Variants in AARS1 observed in about 807,000 individuals in gnomAD.
AARS1 encodes the protein alanine--tRNA ligase, cytoplasmic.
A neutral mutation model predicts 108.9 loss-of-function variants in AARS1; 72 were observed. The observed-to-expected ratio is 0.66, with a 90% CI of 0.55 to 0.80. The LOEUF (loss-of-function observed/expected upper bound fraction) is 0.80. Ranked by LOEUF, AARS1 falls within the 30% of genes least tolerant of loss-of-function variation. AARS1 has a pLI of 0.00. For missense variants in AARS1, 1,193 were observed against 1,233.2 expected, an observed-to-expected ratio of 0.97 and a Z score of 0.49; for synonymous variants, 489 against 465.7, an observed-to-expected ratio of 1.05 and a Z score of -0.64.
rs1959866862 is a variant in AARS1, at chr16:70,252,572, C to G, written c.*149G>C. 1 of 853,774 alleles carries G rather than the reference C, an allele frequency of 1.2e-6. No homozygotes were observed. The highest frequency in any genetic ancestry group is 1.7e-5 in the African/African-American group (1 of 59,784). 52.9% of individuals were successfully genotyped at this position (853,774 alleles called of 1,614,324 possible). On this transcript the variant is annotated 3_prime_UTR_variant, in exon 21 of 21. Coordinates refer to ENST00000261772, the MANE Select transcript of AARS1 (RefSeq NM_001605.3). ...GCTCAGGGCAGAAATTTAAGGGGCACTGAGACATAGGACTGCTCCCAAGTG... is the reference window on the plus strand; with the variant it reads ...GCTCAGGGCAGAAATTTAAGGGGCAGTGAGACATAGGACTGCTCCCAAGTG...
At chr16:70,267,560 C>G in intron 9 of AARS1, 99 bp downstream of exon 9, 2 of 1,455,096 alleles carry the variant, frequency 1.4e-6, no homozygotes, top group Non-Finnish European at 1.9e-6. Context: ...TGTTCAGCCT[C>G]AGAGACATGA....
chr16:70,254,251 C>A, intron 17 of AARS1: 1 of 660,684 alleles, frequency 1.5e-6, no homozygotes, highest in Non-Finnish European at 2.6e-6. Flanking sequence ...GCTCCCAAAT[C>A]AGGCCCGGTC....
rs778642824 is a variant in AARS1 at position 70,254,459 on chromosome 16, G to A, written c.2400+162C>T. 5 of 669,730 alleles carry A rather than the reference G, an allele frequency of 7.5e-6. No individual in the cohort carries two copies. In the East Asian group the frequency reaches 1.1e-4, roughly 15 times the overall value. 41.5% of individuals were successfully genotyped at this position (669,730 alleles called of 1,614,324 possible). On this transcript the variant is annotated intron_variant, in intron 17 of 20. Transcript: ENST00000261772. ...GGGAATGTCCAGGGTCCAAGGACAG[G>A]ATCCATGGGGTCCCTGCTACAAGGC...
intron 1 of AARS1, among the ~76,000 whole-genome samples, chr16:70,286,422 G>A (rs987782329): frequency 6.7e-6 from 1 of 149,332 alleles, no homozygotes; most frequent in African/African-American, 2.5e-5. Context: ...CCAGGCTGGA[G>A]CGCAGGCAAT....
intron 9 of AARS1, among the ~76,000 whole-genome samples, chr16:70,266,459 G>A (rs924294418): frequency 1.3e-5 from 2 of 151,748 alleles, no homozygotes; most frequent in African/African-American, 4.8e-5. Context: ...TCACACCACT[G>A]CACTCCAGCC....
intron 1 of AARS1, among the ~76,000 whole-genome samples, chr16:70,285,428 C>T (rs996280416): frequency 1.3e-5 from 2 of 151,770 alleles, no homozygotes; most frequent in Admixed American, 1.3e-4. Context: ...TACAGTTGCA[C>T]ACCAGCATGC....
Position 70,258,951 on chromosome 16 carries a change from G to A in AARS1, c.1992+29C>T, listed in dbSNP as rs373852619. ...GGACAGACAGTGACGGTGTGGGGAG[G>A]GGGGGCATTCAGCCGTCGCCCATCC... On this transcript the variant is annotated intron_variant, in intron 14 of 20. Transcript: ENST00000261772. The A allele has an allele frequency of 4.6e-4, 736 of 1,602,622 alleles. 1 individual carries two copies. The highest frequency in any genetic ancestry group is 6.0e-4 in the Non-Finnish European group (705 of 1,170,052).
chr16:70,258,952 G>A (rs1293139782), intron 14 of AARS1, 28 bp downstream of exon 14: 3 of 1,602,174 alleles, frequency 1.9e-6, no homozygotes, highest in South Asian at 1.1e-5. Context: ...TGTGGGGAGG[G>A]GGGGCATTCA....
intron 2 of AARS1, among the ~76,000 whole-genome samples, chr16:70,277,409 G>T (rs575480411): frequency 2.0e-5 from 3 of 152,168 alleles, no homozygotes; most frequent in East Asian, 1.9e-4. Context: ...GAGGGGAAAG[G>T]CCTGCCAGAT....
chr16:70,279,264 C>T (rs1415741123), intron 2 of AARS1, among the ~76,000 whole-genome samples: 3 of 142,908 alleles, frequency 2.1e-5, no homozygotes, highest in Non-Finnish European at 1.5e-5. Context: ...GGCAGGAGAA[C>T]TGCTTGAACC....
chr16:70,259,972 A>G (rs2152155046), intron 13 of AARS1, among the ~76,000 whole-genome samples: 1 of 152,074 alleles, frequency 6.6e-6, no homozygotes, highest in African/African-American at 2.4e-5. Flanking sequence ...GGGTTTCTCC[A>G]TGTTGGTCAG....
In AARS1 at chr16:70,253,397, G is replaced by A. The variant is rs371163247; in HGVS notation, c.2608-16C>T. On this transcript the variant is annotated splice_polypyrimidine_tract_variant and intron_variant, in intron 19 of 20. Coordinates refer to ENST00000261772, the MANE Select transcript of AARS1 (RefSeq NM_001605.3). Reference sequence around the variant, plus strand: ...CATTCAGGGCCTGTGGGGAGGACCTGGCTCAGGCCACGGTGCTGGAGCAGG... The same window carrying A: ...CATTCAGGGCCTGTGGGGAGGACCTAGCTCAGGCCACGGTGCTGGAGCAGG... 2.8e-5 allele frequency: 44 copies of A among 1,594,816 alleles called. 1 individual carries two copies. In the South Asian group the frequency reaches 4.0e-4, roughly 14 times the overall value.
At chr16:70,286,244 G>A (rs926433765) in intron 1 of AARS1, among the ~76,000 whole-genome samples, 1 of 151,982 alleles carries the variant, frequency 6.6e-6, no homozygotes, top group African/African-American at 2.4e-5. Context: ...ATTCACTGGA[G>A]GGCTATATGG....
intron 15 of AARS1, 112 bp from the exon 16 acceptor site, chr16:70,255,948 TG>T: frequency 9.9e-7 from 1 of 1,012,168 alleles, no homozygotes; most frequent in South Asian, 1.4e-5. Context: ...AGGGAAAGCC[TG>T]GGCTTGAGAG....
chr16:70,255,959 G>C, intron 15 of AARS1, 123 bp from the exon 16 acceptor site: 1 of 881,822 alleles, frequency 1.1e-6, no homozygotes, highest in Admixed American at 2.0e-5. Flanking sequence ...GGGCTTGAGA[G>C]TATTCTGACA....
chr16:70,278,251 G>A (rs1359543911), intron 2 of AARS1, among the ~76,000 whole-genome samples: 2 of 151,734 alleles, frequency 1.3e-5, no homozygotes, highest in Non-Finnish European at 2.9e-5. Context: ...TAAATAATTA[G>A]TAATTAATAT....
Position 70,262,355 on chromosome 16 carries a change from G to A in AARS1, c.1662C>T (p.Ser554=), listed in dbSNP as rs773045320. The part of the protein sequence containing the change: ...DEGYLVKVDD[S]SEDKTEFTVK... ...AGAACTGTTGGCTCACATCTTCACT[G>A]CTGTCATCCACCTTCACCAGGTAGC... The change falls in exon 12 of 21, where the codon AGC becomes AGT. Residue 554 remains serine, a synonymous_variant. Transcript: ENST00000261772. 1.9e-6 allele frequency: 3 copies of A among 1,614,178 alleles called. No individual in the cohort carries two copies.
chr16:70,261,338 G>C, intron 12 of AARS1, 181 bp from the exon 13 acceptor site: 2 of 475,836 alleles, frequency 4.2e-6, no homozygotes, highest in South Asian at 3.8e-5. Flanking sequence ...GCTCATGACT[G>C]TAATCCCAGC....
chr16:70,254,882 C>A, intron 16 of AARS1, 148 bp from the exon 17 acceptor site: 1 of 663,854 alleles, frequency 1.5e-6, no homozygotes, highest in South Asian at 1.6e-5. Flanking sequence ...TAGGTGCTGG[C>A]AGCCCCAGGC....
Sources: allele counts gnomAD v4.1 joint callset (sites outside exome capture counted in the v4.1 genomes callset), GRCh38; gene constraint gnomAD v4.1.1; transcripts MANE v1.5; gene names NCBI Gene and HGNC (gene_info 2026-07-23, HGNC 2026-07-21).